ZNF438: variants seen among roughly 807,000 people sequenced by gnomAD.
The protein encoded by ZNF438 is zinc finger protein 438.
In ZNF438, 25 loss-of-function variants were observed where a neutral mutation model predicts 38.0. That is an observed-to-expected ratio of 0.66 (90% confidence interval 0.48 to 0.92). ZNF438 has a LOEUF of 0.92. Among genes scored for constraint, ZNF438 ranks in the 40% least tolerant of loss-of-function variants. The pLI is 0.00. For synonymous variants in ZNF438, 372 were observed against 364.1 expected, an observed-to-expected ratio of 1.02 and a Z score of -0.25; for missense variants, 1,007 against 999.6, an observed-to-expected ratio of 1.01 and a Z score of -0.10.
intron 1 of ZNF438, among the ~76,000 whole-genome samples, chr10:31,014,231 G>C (rs1426463367): frequency 6.6e-6 from 1 of 152,124 alleles, no homozygotes; most frequent in Admixed American, 6.5e-5. Context: ...CTTTGTCTTT[G>C]TCTGAGCTAC....
In ZNF438 at chr10:30,879,055, C is replaced by T. The variant is rs571602462; in HGVS notation, c.-31-1990G>A. On this transcript the variant is annotated intron_variant, in intron 3 of 5. Transcript: ENST00000413025. ...TCCAGAATACTGGAAAAGAGAGCTA[C>T]ACACAGACACAGCACAACAGAGAGG... Among the ~76,000 whole-genome samples, 10 of 152,278 alleles carry T rather than the reference C, an allele frequency of 6.6e-5. No individual in the cohort carries two copies. In the South Asian group the frequency reaches 1.2e-3, roughly 19 times the overall value.
At chr10:30,897,344 C>T (rs551773302) in intron 3 of ZNF438, among the ~76,000 whole-genome samples, 1 of 152,332 alleles carries the variant, frequency 6.6e-6, no homozygotes, top group Admixed American at 6.5e-5. Context: ...CTATATTCCC[C>T]CCAATACTAT....
At chr10:30,958,897 C>G (rs2135984333) in intron 1 of ZNF438, among the ~76,000 whole-genome samples, 1 of 147,310 alleles carries the variant, frequency 6.8e-6, no homozygotes, top group African/African-American at 2.4e-5. Context: ...TATTTTCTTC[C>G]TTTTTCATTG....
At chr10:30,906,500 C>A (rs1366525169) in intron 3 of ZNF438, among the ~76,000 whole-genome samples, 1 of 152,112 alleles carries the variant, frequency 6.6e-6, no homozygotes, top group Non-Finnish European at 1.5e-5. Flanking sequence ...TTTTTACATA[C>A]AAGATGTCAT....
At chr10:31,010,922 A>ATTTT (rs1282251468) in intron 1 of ZNF438, among the ~76,000 whole-genome samples, 4 of 144,454 alleles carry the variant, frequency 2.8e-5, no homozygotes, top group African/African-American at 1.0e-4. Context: ...AAAAAAAAAA[A>ATTTT]GATTTTGTTG....
At chr10:30,895,211 C>T (rs2041175021) in intron 3 of ZNF438, among the ~76,000 whole-genome samples, 1 of 152,104 alleles carries the variant, frequency 6.6e-6, no homozygotes, top group South Asian at 2.1e-4. Context: ...TGCCCATGTC[C>T]CCACAATCTA....
At chr10:30,892,983 GC>G (rs1357953764) in intron 3 of ZNF438, among the ~76,000 whole-genome samples, 2 of 152,180 alleles carry the variant, frequency 1.3e-5, no homozygotes, top group Admixed American at 6.5e-5. Context: ...CATACAGTGT[GC>G]ACCCTTGCAT....
intron 1 of ZNF438, among the ~76,000 whole-genome samples, chr10:31,015,769 G>A (rs1564852437): frequency 6.6e-6 from 1 of 152,190 alleles, no homozygotes; most frequent in South Asian, 2.1e-4. Flanking sequence ...CACAGTTCTG[G>A]AGGCTGCAGT....
rs373298715 is a variant in ZNF438 at position 30,847,827 on chromosome 10, G to A, written c.1874+704C>T. 4.0e-3 allele frequency among the ~76,000 whole-genome samples: 611 copies of A among 152,338 alleles called. 3 individuals carry two copies. Among genetic ancestry groups the A allele is most frequent in the Middle Eastern group, 0.017 (5 of 294 alleles). ...CAGCAGCCGGCGTGCCTGCCTATGC[G>A]CAGTGGCCAGACCCCACGCTCACTC... On this transcript the variant is annotated intron_variant, in intron 5 of 5. Coordinates refer to ENST00000413025, the Ensembl canonical transcript of ZNF438.
Position 30,866,622 on chromosome 10 carries a change from C to A in ZNF438, c.37+10376G>T, listed in dbSNP as rs1044178780. Among the ~76,000 whole-genome samples the A allele has an allele frequency of 2.0e-5, 3 of 152,084 alleles. No individual in the cohort carries two copies. The East Asian group carries it at 5.8e-4, about 29-fold the overall frequency. On this transcript the variant is annotated intron_variant, in intron 4 of 5. Transcript: ENST00000413025. Reference sequence around the variant, plus strand: ...GGCCAAGGAAGGCAGATCACGAGGTCAGGAGATCGAGACCATCCTGGCTAA... The same window carrying A: ...GGCCAAGGAAGGCAGATCACGAGGTAAGGAGATCGAGACCATCCTGGCTAA...
chr10:30,907,425 T>C (rs1406241216), intron 3 of ZNF438, among the ~76,000 whole-genome samples: 1 of 152,250 alleles, frequency 6.6e-6, no homozygotes, highest in Admixed American at 6.5e-5. Flanking sequence ...TGGAGAAGTT[T>C]GTAAAGGATT....
chr10:30,859,806 A>G (rs192526151), intron 4 of ZNF438, among the ~76,000 whole-genome samples: 198 of 149,892 alleles, frequency 1.3e-3, no homozygotes, highest in African/African-American at 4.4e-3. Flanking sequence ...TTTTGTTGGG[A>G]AAAAAAAGGC....
chr10:30,956,961 C>T (rs894667087), intron 1 of ZNF438, among the ~76,000 whole-genome samples: 2 of 152,138 alleles, frequency 1.3e-5, no homozygotes, highest in Non-Finnish European at 2.9e-5. Flanking sequence ...TTTTAAAGAA[C>T]TTCCATGCTG....
chr10:30,897,506 C>T (rs537512416), intron 3 of ZNF438, among the ~76,000 whole-genome samples: 2 of 152,290 alleles, frequency 1.3e-5, no homozygotes, highest in South Asian at 4.1e-4. Context: ...CCAGATTGGT[C>T]CCAGCAGAGG....
chr10:30,969,263 T>C (rs961463011), intron 1 of ZNF438, among the ~76,000 whole-genome samples: 1 of 152,186 alleles, frequency 6.6e-6, no homozygotes, highest in East Asian at 1.9e-4. Flanking sequence ...CAAAAGATTT[T>C]TTCCCTTGGC....
rs137957820 is a variant in ZNF438 at position 31,017,061 on chromosome 10, C to T, written c.-192+14772G>A. Reference sequence around the variant, plus strand: ...GAGTATAACCTCTGCTCTCCACCACCACCATCGCACACAAAATACAACTGT... The same window carrying T: ...GAGTATAACCTCTGCTCTCCACCACTACCATCGCACACAAAATACAACTGT... On this transcript the variant is annotated intron_variant, in intron 1 of 5. Transcript: ENST00000413025. Among the ~76,000 whole-genome samples the T allele has an allele frequency of 2.2e-4, 33 of 152,342 alleles. No homozygotes were observed. In the East Asian group the frequency reaches 6.4e-3, roughly 29 times the overall value.
At chr10:31,021,117 C>T (rs894237710) in intron 1 of ZNF438, among the ~76,000 whole-genome samples, 3 of 148,444 alleles carry the variant, frequency 2.0e-5, no homozygotes, top group East Asian at 2.0e-4. Flanking sequence ...AGTGCAGTGG[C>T]GCAATCTCAG....
intron 2 of ZNF438, among the ~76,000 whole-genome samples, chr10:30,933,872 C>T (rs1007936603): frequency 3.3e-5 from 5 of 152,052 alleles, no homozygotes; most frequent in Middle Eastern, 6.3e-3. Flanking sequence ...TGAGGACAGG[C>T]GCGGTGGCTC....
At chr10:30,932,720 G>A (rs2045830449) in intron 2 of ZNF438, among the ~76,000 whole-genome samples, 1 of 152,198 alleles carries the variant, frequency 6.6e-6, no homozygotes, top group Non-Finnish European at 1.5e-5. Flanking sequence ...CTAACCCCCA[G>A]TACCTGTGAA....
Sources: allele counts gnomAD v4.1 joint callset (sites outside exome capture counted in the v4.1 genomes callset), GRCh38; gene constraint gnomAD v4.1.1; transcripts MANE v1.5; gene names NCBI Gene and HGNC (gene_info 2026-07-23, HGNC 2026-07-21).